The following RGS20 variants were observed in gnomAD, a reference collection of about 807,000 sequenced individuals.
RGS20 encodes the protein gz-selective GTPase-activating protein.
Under a neutral mutation model 33.6 loss-of-function variants are expected in RGS20, and 30 were observed. The observed-to-expected ratio is 0.89, with a 90% CI of 0.67 to 1.21. RGS20 has a LOEUF of 1.21. RGS20 is among the 50% of genes most tolerant of loss of function. The pLI is 0.00. For missense variants in RGS20, 472 were observed against 502.4 expected (o/e 0.94, Z 0.58); for synonymous variants, 208 against 197.9 (o/e 1.05, Z -0.43).
chr8:53,958,360 T>C lies in RGS20; in HGVS notation c.1069T>C (p.Tyr357His). The change falls in exon 6 of 6, where the codon TAC (tyrosine) becomes CAC (histidine). Residue 357 changes from tyrosine (Y) to histidine (H), a missense_variant. Around this residue, in one of 3 missense-constraint regions of RGS20, gnomAD observed 125 missense variants for 169.5 expected, o/e 0.74. Transcript: ENST00000297313. Reference sequence around the variant, plus strand: ...ATTCGATGATGCTCAACTTCAGATTTACACCCTGATGCACAGAGACTCATA... The same window carrying C: ...ATTCGATGATGCTCAACTTCAGATTCACACCCTGATGCACAGAGACTCATA... The C allele has an allele frequency of 6.2e-7, 1 of 1,613,862 alleles. No homozygotes were observed. The highest frequency in any genetic ancestry group is 8.5e-7 in the Non-Finnish European group (1 of 1,179,814).
At chr8:53,916,464 C>T (rs962203145) in intron 2 of RGS20, among the ~76,000 whole-genome samples, 1 of 152,062 alleles carries the variant, frequency 6.6e-6, no homozygotes, top group Non-Finnish European at 1.5e-5. Flanking sequence ...AATTTTTTTG[C>T]AACGGTCTGT....
intron 2 of RGS20, among the ~76,000 whole-genome samples, chr8:53,926,479 T>A (rs992073278): frequency 4.6e-5 from 7 of 151,890 alleles, no homozygotes; most frequent in Non-Finnish European, 8.8e-5. Flanking sequence ...AGATTTTTTT[T>A]AAACACAATA....
At chr8:53,901,852 T>A (rs540902231) in intron 2 of RGS20, among the ~76,000 whole-genome samples, 2 of 152,232 alleles carry the variant, frequency 1.3e-5, no homozygotes, top group South Asian at 4.2e-4. Flanking sequence ...AGTGAGACCC[T>A]GTCCCTTAAA....
intron 2 of RGS20, chr8:53,879,738 G>C (rs1325274120): frequency 1.5e-5 from 11 of 758,072 alleles, no homozygotes; most frequent in Non-Finnish European, 2.2e-5. Flanking sequence ...GGAAGGCCGG[G>C]ACGTGGCTGG....
At chr8:53,927,111 T>C (rs932955757) in intron 2 of RGS20, among the ~76,000 whole-genome samples, 2 of 152,182 alleles carry the variant, frequency 1.3e-5, no homozygotes, top group Non-Finnish European at 2.9e-5. Flanking sequence ...TGTTTGAGGA[T>C]TGTCTCTTGA....
rs560859676 is a variant in RGS20, at chr8:53,879,742, T to C, written c.510+140T>C. The C allele has an allele frequency of 3.3e-4, 237 of 726,670 alleles. 2 individuals carry two copies. The highest frequency in any genetic ancestry group is 2.9e-3 in the Middle Eastern group (7 of 2,436). 45.0% of individuals were successfully genotyped at this position (726,670 alleles called of 1,614,324 possible). A position where few individuals can be genotyped will look rare whatever the true frequency, so the allele number is the denominator to read the frequency against. On this transcript the variant is annotated intron_variant, in intron 2 of 5. Coordinates refer to ENST00000297313, the MANE Select transcript of RGS20 (RefSeq NM_170587.4). Reference sequence around the variant, plus strand: ...TGGCAAGGTCGGGAAGGCCGGGACGTGGCTGGGCAAGTCCTAGGACGGGAC... The same window carrying C: ...TGGCAAGGTCGGGAAGGCCGGGACGCGGCTGGGCAAGTCCTAGGACGGGAC...
chr8:53,870,756 T>A (rs1812044680), intron 1 of RGS20, among the ~76,000 whole-genome samples: 2 of 152,050 alleles, frequency 1.3e-5, no homozygotes, highest in African/African-American at 4.8e-5. Flanking sequence ...TCTCCTGAGG[T>A]CCACACAGAA....
intron 1 of RGS20, among the ~76,000 whole-genome samples, chr8:53,867,847 C>T (rs560864579): frequency 2.6e-5 from 4 of 152,148 alleles, no homozygotes; most frequent in African/African-American, 4.8e-5. Flanking sequence ...CTCAGTCTCC[C>T]GGGTAGCTGG....
intron 1 of RGS20, among the ~76,000 whole-genome samples, chr8:53,867,517 C>A (rs150767165): frequency 6.6e-6 from 1 of 152,144 alleles, no homozygotes; most frequent in Non-Finnish European, 1.5e-5. Context: ...CATTACTTGA[C>A]GCAGATCCTG....
chr8:53,889,483 G>C (rs1362504451), intron 2 of RGS20, among the ~76,000 whole-genome samples: 1 of 121,400 alleles, frequency 8.2e-6, no homozygotes, highest in Non-Finnish European at 1.6e-5. Context: ...GCCCAGGCTG[G>C]AAGGCAGTGG....
chr8:53,894,258 G>T (rs1812792479), intron 2 of RGS20, among the ~76,000 whole-genome samples: 1 of 152,150 alleles, frequency 6.6e-6, no homozygotes, highest in Non-Finnish European at 1.5e-5. Flanking sequence ...TTTCAAGTCT[G>T]AAATTTCTTC....
intron 2 of RGS20, among the ~76,000 whole-genome samples, chr8:53,884,988 C>T (rs149912680): frequency 2.6e-5 from 4 of 152,206 alleles, no homozygotes; most frequent in Non-Finnish European, 5.9e-5. Context: ...TTTTAGAAAT[C>T]ATTTTTGAGC....
intron 1 of RGS20, among the ~76,000 whole-genome samples, chr8:53,859,124 A>G (rs1811750981): frequency 6.6e-6 from 1 of 152,186 alleles, no homozygotes; most frequent in Non-Finnish European, 1.5e-5. Flanking sequence ...TGTATTTTGA[A>G]AATTAACATA....
chr8:53,860,384 G>A (rs554157920), intron 1 of RGS20, among the ~76,000 whole-genome samples: 11 of 152,294 alleles, frequency 7.2e-5, no homozygotes, highest in Admixed American at 7.2e-4. Flanking sequence ...TCAAGTGATA[G>A]ATCATTCTAA....
chr8:53,881,059 C>G (rs755675513), intron 2 of RGS20: 6 of 1,550,694 alleles, frequency 3.9e-6, no homozygotes, highest in East Asian at 2.3e-5. Flanking sequence ...GCTTCCTCCC[C>G]GGCCGGCAGG....
At chr8:53,916,276 C>A (rs1162875573) in intron 2 of RGS20, among the ~76,000 whole-genome samples, 1 of 152,218 alleles carries the variant, frequency 6.6e-6, no homozygotes, top group Non-Finnish European at 1.5e-5. Context: ...CCTGCCTCAG[C>A]CTCCCAAAGT....
intron 1 of RGS20, among the ~76,000 whole-genome samples, chr8:53,873,801 A>G (rs1211852487): frequency 6.6e-6 from 1 of 152,240 alleles, no homozygotes; most frequent in Non-Finnish European, 1.5e-5. Context: ...GAGGAACTGT[A>G]GAGGAAGAAG....
chr8:53,927,295 G>A (rs1284129127), intron 2 of RGS20, among the ~76,000 whole-genome samples: 1 of 151,320 alleles, frequency 6.6e-6, no homozygotes, highest in Non-Finnish European at 1.5e-5. Context: ...AACCTCCTGG[G>A]CTCAAACGAT....
Position 53,877,127 on chromosome 8 carries a change from G to A in RGS20, c.166-2131G>A, listed in dbSNP as rs1322587541. On this transcript the variant is annotated intron_variant, in intron 1 of 5. Coordinates refer to ENST00000297313, the MANE Select transcript of RGS20 (RefSeq NM_170587.4). The surrounding 1 kb of genome is among the most constrained non-coding windows in gnomAD (Gnocchi z 5.7). ...GCTCGCTCGGGCTCCTCGAAGTTGG[G>A]CGTGCGTCGCAGAACAGTGCTGGGC... Among the ~76,000 whole-genome samples the A allele has an allele frequency of 6.6e-6, 1 of 152,222 alleles. No individual in the cohort carries two copies. Among genetic ancestry groups the A allele is most frequent in the Non-Finnish European group, 1.5e-5 (1 of 68,040 alleles).
Sources: allele counts gnomAD v4.1 joint callset (sites outside exome capture counted in the v4.1 genomes callset), GRCh38; gene constraint gnomAD v4.1.1; regional missense constraint gnomAD v4.1.1; non-coding constraint Gnocchi (gnomAD v3.1); transcripts MANE v1.5; gene names NCBI Gene and HGNC (gene_info 2026-07-23, HGNC 2026-07-21).